Variants in LNP1 observed in about 807,000 individuals in gnomAD.
LNP1 encodes leukemia NUP98 fusion partner 1.
Under a neutral mutation model 14.5 loss-of-function variants are expected in LNP1, and 12 were observed. That is an observed-to-expected ratio of 0.83 (90% CI 0.53 to 1.34). LNP1 has a LOEUF of 1.34. LNP1 is among the 40% of genes most tolerant of loss of function. The pLI is 0.00. For synonymous variants in LNP1, 75 were observed against 71.4 expected (o/e 1.05, Z -0.26); for missense variants, 198 against 210.9 (o/e 0.94, Z 0.38).
intron 1 of LNP1, among the ~76,000 whole-genome samples, chr3:100,427,387 C>G (rs577532880): frequency 1.3e-5 from 2 of 152,242 alleles, no homozygotes; most frequent in South Asian, 4.2e-4. Flanking sequence ...GCCAAGGAAT[C>G]TAATGAACCA....
chr3:100,416,521 C>T (rs1707084817), intron 1 of LNP1, among the ~76,000 whole-genome samples: 1 of 150,004 alleles, frequency 6.7e-6, no homozygotes, highest in South Asian at 2.1e-4. Flanking sequence ...GTGTTCATTG[C>T]ATTTGGGTTG....
intron 2 of LNP1, among the ~76,000 whole-genome samples, chr3:100,448,940 C>G (rs949252457): frequency 6.6e-6 from 1 of 152,070 alleles, no homozygotes; most frequent in Non-Finnish European, 1.5e-5. Context: ...AGCTAAATAG[C>G]TTTAAATTTG....
rs761766367 is a variant in LNP1 at position 100,429,740 on chromosome 3, A to G, written c.11A>G (p.Lys4Arg). The stretch of plus-strand genomic sequence containing the variant: ...TGGCATCACCTTTACATGGAGCACA[A>G]AGATGATGATGATGATGATGTGTCT... Reference protein sequence around the residue: MEHKDDDDDDVSFA... With the variant: MEHRDDDDDDVSFA... The change falls in exon 2 of 4, where the codon AAA (lysine) becomes AGA (arginine). Residue 4 changes from lysine to arginine, a missense_variant. Transcript: ENST00000383693. 6 of 1,613,700 alleles carry G rather than the reference A, an allele frequency of 3.7e-6. No individual in the cohort carries two copies. The African/African-American group carries it at 4.0e-5, about 11-fold the overall frequency.
intron 1 of LNP1, among the ~76,000 whole-genome samples, chr3:100,425,684 G>T (rs918522393): frequency 7.9e-5 from 12 of 152,134 alleles, no homozygotes; most frequent in Admixed American, 7.9e-4. Flanking sequence ...AAAGGGTTGG[G>T]TGTAAGAGGG....
intron 2 of LNP1, among the ~76,000 whole-genome samples, chr3:100,442,182 A>G (rs1413934769): frequency 6.6e-6 from 1 of 152,164 alleles, no homozygotes; most frequent in African/African-American, 2.4e-5. Context: ...TTAGTGTTCT[A>G]ATGATGGAGT....
intron 2 of LNP1, among the ~76,000 whole-genome samples, chr3:100,439,540 T>C (rs1707325610): frequency 6.6e-6 from 1 of 152,164 alleles, no homozygotes; most frequent in East Asian, 1.9e-4. Flanking sequence ...TAACCCTTGC[T>C]CATCCTTCAG....
At chr3:100,418,520 T>A (rs1707111137) in intron 1 of LNP1, among the ~76,000 whole-genome samples, 1 of 152,160 alleles carries the variant, frequency 6.6e-6, no homozygotes, top group African/African-American at 2.4e-5. Flanking sequence ...ACCTTGATAT[T>A]TTCTGTCCCT....
rs527420113 is a variant in LNP1 at position 100,418,845 on chromosome 3, A to C, written c.-33-10852A>C. ...CAGTTCAGCCCTTTCAATCCTTCTT[A>C]CCACAGGCTTTTTGTACTCACTCAG... On this transcript the variant is annotated intron_variant, in intron 1 of 3. Transcript: ENST00000383693. Among the ~76,000 whole-genome samples, 16 of 152,302 alleles carry C rather than the reference A, an allele frequency of 1.1e-4. No individual in the cohort carries two copies. The South Asian group carries it at 3.3e-3, about 32-fold the overall frequency.
intron 1 of LNP1, among the ~76,000 whole-genome samples, chr3:100,427,627 C>T (rs991929322): frequency 1.3e-5 from 2 of 152,176 alleles, no homozygotes; most frequent in African/African-American, 4.8e-5. Flanking sequence ...TAGTAGCTGT[C>T]ATCCCCAGTT....
At chr3:100,418,369 T>C (rs985623038) in intron 1 of LNP1, among the ~76,000 whole-genome samples, 1 of 152,140 alleles carries the variant, frequency 6.6e-6, no homozygotes, top group African/African-American at 2.4e-5. Flanking sequence ...CACATCACTT[T>C]GTAACTATCA....
rs1263421545 is a variant in LNP1 at position 100,453,660 on chromosome 3, A to C, written c.387+1711A>C. On this transcript the variant is annotated intron_variant, in intron 3 of 3. Transcript: ENST00000383693. ...TGTTTTCATATTGTCTCAGGCTTAG[A>C]GAAATGTTGCAAGAATAGGACAAAG... is the stretch of plus-strand genomic sequence containing the variant. Among the ~76,000 whole-genome samples the C allele has an allele frequency of 3.9e-5, 6 of 152,124 alleles. No homozygotes were observed. The East Asian group carries it at 1.2e-3, about 29-fold the overall frequency.
At chr3:100,409,536 C>CTA (rs1345267378) in intron 1 of LNP1, among the ~76,000 whole-genome samples, 8 of 146,654 alleles carry the variant, frequency 5.5e-5, no homozygotes, top group African/African-American at 2.1e-4. Flanking sequence ...CCAGCTCTCT[C>CTA]TCTCTCTATA....
chr3:100,429,593 A>G (rs944474545), intron 1 of LNP1, 104 bp from the exon 2 acceptor site: 4 of 729,848 alleles, frequency 5.5e-6, no homozygotes, highest in Non-Finnish European at 7.0e-6. Context: ...GGATGCCAGT[A>G]TCGGAGACCA....
In LNP1 at chr3:100,451,751, C is replaced by A; in HGVS notation, c.189C>A (p.Asp63Glu). The change falls in exon 3 of 4, where the codon GAC becomes GAA. Residue 63 changes from aspartate to glutamate, a missense_variant. Physicochemically the swap from Asp to Glu is conservative, Grantham distance 45. Coordinates refer to ENST00000383693, the MANE Select transcript of LNP1 (RefSeq NM_001085451.2). ...LPVLPRIPSS[D>E]CHPRRHSHED... The stretch of plus-strand genomic sequence containing the variant: ...TGCTTCCCAGAATTCCATCATCTGA[C>A]TGCCATCCTAGAAGGCATTCTCATG... 6.2e-7 allele frequency: 1 copy of A among 1,611,514 alleles called. No individual in the cohort carries two copies. The highest frequency in any genetic ancestry group is 8.5e-7 in the Non-Finnish European group (1 of 1,177,588).
In LNP1 at chr3:100,451,934, G is replaced by C. The variant is rs1707463731; in HGVS notation, c.372G>C (p.Lys124Asn). The change falls in exon 3 of 4, where the codon AAG becomes AAC. Residue 124 changes from lysine to asparagine, a missense_variant. Physicochemically the swap from Lys to Asn is moderately conservative, Grantham distance 94. Coordinates refer to ENST00000383693, the MANE Select transcript of LNP1 (RefSeq NM_001085451.2). ...AACGGCAACTGTGCTTTAGAACCAAGCGTTCTGCCTCTTTGGTATGTAACA... is the reference window on the plus strand; with the variant it reads ...AACGGCAACTGTGCTTTAGAACCAACCGTTCTGCCTCTTTGGTATGTAACA... ...SFERQLCFRT[K>N]RSASLGPESR... The C allele has an allele frequency of 6.2e-7, 1 of 1,612,112 alleles. No homozygotes were observed.
chr3:100,433,338 G>T (rs377040299), intron 2 of LNP1, among the ~76,000 whole-genome samples: 1 of 152,168 alleles, frequency 6.6e-6, no homozygotes, highest in South Asian at 2.1e-4. Context: ...CTGTTCCTGT[G>T]TTAGTTTGCT....
intron 1 of LNP1, among the ~76,000 whole-genome samples, chr3:100,412,288 A>G (rs1312741893): frequency 1.3e-5 from 2 of 152,176 alleles, no homozygotes; most frequent in Non-Finnish European, 2.9e-5. Context: ...GCAAGAACTC[A>G]CTACCGTGAG....
chr3:100,450,832 C>A (rs375067088), intron 2 of LNP1, among the ~76,000 whole-genome samples: 2 of 152,164 alleles, frequency 1.3e-5, no homozygotes, highest in Non-Finnish European at 2.9e-5. Context: ...CTTCCATCAT[C>A]ATGGCAACAG....
chr3:100,442,388 C>T (rs1254928570), intron 2 of LNP1, among the ~76,000 whole-genome samples: 3 of 152,088 alleles, frequency 2.0e-5, no homozygotes, highest in Non-Finnish European at 4.4e-5. Context: ...CTCAGGAGGT[C>T]CCAACAACAA....
Sources: allele counts gnomAD v4.1 joint callset (sites outside exome capture counted in the v4.1 genomes callset), GRCh38; gene constraint gnomAD v4.1.1; transcripts MANE v1.5; gene names NCBI Gene and HGNC (gene_info 2026-07-23, HGNC 2026-07-21).